TLL1: variants seen among roughly 807,000 people sequenced by gnomAD.
TLL1 encodes the protein tolloid like 1.
In TLL1, 49 loss-of-function variants were observed where a neutral mutation model predicts 128.2. The ratio of observed to expected loss-of-function variants is 0.38; its 90% CI spans 0.30 to 0.48. The LOEUF is 0.48. Among genes scored for constraint, TLL1 ranks in the 20% least tolerant of loss-of-function variants. The probability of loss-of-function intolerance (pLI) is 0.96; values close to 1 mark genes in which losing one functional copy is unlikely to be tolerated. For synonymous variants in TLL1, 454 were observed against 418.8 expected (o/e 1.08, Z -1.03); for missense variants, 1,123 against 1,242.0 (o/e 0.90, Z 1.44).
chr4:165,948,016 T>A (rs537089074), intron 1 of TLL1, among the ~76,000 whole-genome samples: 1 of 152,156 alleles, frequency 6.6e-6, no homozygotes, highest in African/African-American at 2.4e-5. Flanking sequence ...GGAAAAAAGT[T>A]GACTCAGAGG....
At chr4:165,877,613 T>A (rs1730772897) in intron 1 of TLL1, among the ~76,000 whole-genome samples, 1 of 152,174 alleles carries the variant, frequency 6.6e-6, no homozygotes, top group Admixed American at 6.6e-5. Context: ...AAATTTAGTT[T>A]GTAAGTTAGT....
At chr4:166,043,007 T>C (rs1053801414) in intron 11 of TLL1, among the ~76,000 whole-genome samples, 3 of 152,198 alleles carry the variant, frequency 2.0e-5, no homozygotes, top group African/African-American at 7.2e-5. Flanking sequence ...CACTAAAGGT[T>C]TTTAAAGGTT....
chr4:166,008,151 T>TTCTACTTTCA, intron 7 of TLL1, 103 bp downstream of exon 7: 3 of 804,384 alleles, frequency 3.7e-6, no homozygotes, highest in Non-Finnish European at 6.4e-6. Flanking sequence ...TTTCAAATAT[T>TTCTACTTTCA]GCTACCTCAC....
At chr4:165,962,206 A>G (rs558153356) in intron 1 of TLL1, among the ~76,000 whole-genome samples, 13 of 152,324 alleles carry the variant, frequency 8.5e-5, no homozygotes, top group Middle Eastern at 3.4e-3. Flanking sequence ...CAGAATGCAC[A>G]AGGAACTTAA....
intron 1 of TLL1, among the ~76,000 whole-genome samples, chr4:165,897,051 T>C (rs1364741525): frequency 6.6e-6 from 1 of 152,206 alleles, no homozygotes; most frequent in Non-Finnish European, 1.5e-5. Context: ...AATGTCTTCT[T>C]TTGAGAAATT....
intron 10 of TLL1, 40 bp from the exon 11 acceptor site, chr4:166,041,987 C>G: frequency 2.2e-6 from 3 of 1,336,622 alleles, no homozygotes; most frequent in Non-Finnish European, 3.2e-6. Flanking sequence ...AATATAGAGT[C>G]CTATTTAGGA....
chr4:165,995,422 A>G (rs1369858220), intron 5 of TLL1, among the ~76,000 whole-genome samples: 1 of 152,184 alleles, frequency 6.6e-6, no homozygotes, highest in Non-Finnish European at 1.5e-5. Context: ...TGACATTACC[A>G]ACATCCCACT....
At chr4:165,910,142 A>G (rs1335741350) in intron 1 of TLL1, among the ~76,000 whole-genome samples, 1 of 152,122 alleles carries the variant, frequency 6.6e-6, no homozygotes, top group Non-Finnish European at 1.5e-5. Context: ...TGGCTGTTTC[A>G]CTTTCGGAAA....
intron 1 of TLL1, among the ~76,000 whole-genome samples, chr4:165,959,266 G>A (rs566081627): frequency 6.6e-6 from 1 of 152,108 alleles, no homozygotes; most frequent in Non-Finnish European, 1.5e-5. Context: ...TCGGTAGCTT[G>A]ATGGGGATGG....
chr4:166,003,418 A>C lies in TLL1; in HGVS notation c.660A>C (p.Gly220=). The change falls in exon 6 of 21, where the codon GGA becomes GGC. Residue 220 remains glycine, a synonymous_variant. Transcript: ENST00000061240. ...CGCCSYVGRR[G]NGPQAISIGK... ...GCTGCTCCTATGTAGGTCGGCGAGGAAATGGACCTCAGGCAATCTCTATCG... is the reference window on the plus strand; with the variant it reads ...GCTGCTCCTATGTAGGTCGGCGAGGCAATGGACCTCAGGCAATCTCTATCG... The C allele has an allele frequency of 6.2e-7, 1 of 1,613,998 alleles. No homozygotes were observed. The highest frequency in any genetic ancestry group is 2.2e-5 in the East Asian group (1 of 44,856).
intron 1 of TLL1, among the ~76,000 whole-genome samples, chr4:165,954,506 C>A (rs1005893533): frequency 6.6e-6 from 1 of 152,060 alleles, no homozygotes; most frequent in African/African-American, 2.4e-5. Flanking sequence ...ATTCTGGTTT[C>A]TTCTTCATGG....
chr4:166,021,169 T>A (rs1579634001), intron 8 of TLL1, among the ~76,000 whole-genome samples: 1 of 152,310 alleles, frequency 6.6e-6, no homozygotes, highest in East Asian at 1.9e-4. Flanking sequence ...GGAATATATT[T>A]TATATAACTG....
intron 1 of TLL1, among the ~76,000 whole-genome samples, chr4:165,909,105 T>G (rs1339986941): frequency 6.6e-6 from 1 of 152,110 alleles, no homozygotes; most frequent in Non-Finnish European, 1.5e-5. Flanking sequence ...GACAACCACT[T>G]GAACCCAGAA....
chr4:165,963,054 C>CAAAAAAAAAAAA lies in TLL1; in HGVS notation c.170-26312_170-26301dup, dbSNP rs869191830. Among the ~76,000 whole-genome samples, 41 of 18,332 alleles carry CAAAAAAAAAAAA rather than the reference C, an allele frequency of 2.2e-3. 4 individuals carry two copies. Among genetic ancestry groups the CAAAAAAAAAAAA allele is most frequent in the African/African-American group, 5.6e-3 (39 of 6,996 alleles). The allele number at this position is 18,332 out of a possible 152,430, so 12.0% of individuals were successfully genotyped here. On this transcript the variant is annotated intron_variant, in intron 1 of 20. Transcript: ENST00000061240. ...TGGGTGACAGAGCGAGGCTCTGTCT[C>CAAAAAAAAAAAA]AAAAAAAAAAAAAAAAAAAAAAAAA...
At chr4:165,921,184 C>A (rs1733024310) in intron 1 of TLL1, among the ~76,000 whole-genome samples, 1 of 152,060 alleles carries the variant, frequency 6.6e-6, no homozygotes, top group South Asian at 2.1e-4. Flanking sequence ...ATGGCATATG[C>A]GAAAGTGCCT....
chr4:165,959,741 CT>C (rs1177668580), intron 1 of TLL1, among the ~76,000 whole-genome samples: 7 of 152,086 alleles, frequency 4.6e-5, no homozygotes, highest in Non-Finnish European at 1.0e-4. Flanking sequence ...TCCTGAATGA[CT>C]TGGATGAAAC....
At chr4:166,066,131 T>G (rs7658473) in intron 16 of TLL1, among the ~76,000 whole-genome samples, 1 of 151,756 alleles carries the variant, frequency 6.6e-6, no homozygotes, top group Non-Finnish European at 1.5e-5. Flanking sequence ...TAGTCTCATT[T>G]TAGCAACAGT....
At chr4:165,917,622 G>A (rs182322183) in intron 1 of TLL1, among the ~76,000 whole-genome samples, 1 of 152,012 alleles carries the variant, frequency 6.6e-6, no homozygotes, top group East Asian at 1.9e-4. Context: ...CTCTACATGG[G>A]ATTGTGCTTC....
At chr4:165,880,556 G>A (rs1438800900) in intron 1 of TLL1, among the ~76,000 whole-genome samples, 1 of 152,106 alleles carries the variant, frequency 6.6e-6, no homozygotes. Flanking sequence ...TCAAAATCTA[G>A]TTTTATGTAT....
Sources: gnomAD v4.1 joint callset for allele counts (sites outside exome capture counted in the v4.1 genomes callset) on GRCh38, gnomAD v4.1.1 for gene constraint, MANE v1.5 for transcripts, NCBI Gene and HGNC (gene_info 2026-07-23, HGNC 2026-07-21) for gene names.